Variants in HSPG2 observed in about 807,000 individuals in gnomAD.
The protein encoded by HSPG2 is basement membrane-specific heparan sulfate proteoglycan core protein.
HSPG2 carries 278 observed loss-of-function variants against 526.6 expected under a neutral mutation model. The observed-to-expected ratio is 0.53, with a 90% CI of 0.48 to 0.58. The LOEUF is 0.58. HSPG2 is among the 20% of genes least tolerant of loss of function. The pLI is 0.00. For missense variants in HSPG2, 5,354 were observed against 6,099.5 expected (o/e 0.88, Z 4.07); for synonymous variants, 2,465 against 2,555.4 (o/e 0.96, Z 1.07).
At chr1:21,843,001 A>C in intron 66 of HSPG2, 80 bp from the exon 67 acceptor site, 1 of 1,530,164 alleles carries the variant, frequency 6.5e-7, no homozygotes, top group African/African-American at 1.4e-5. Flanking sequence ...AGTGAAGACC[A>C]GCTCCAGTTG....
At position 21,839,678 on chromosome 1, in the gene HSPG2, C is replaced by T; in HGVS notation, c.9710-128G>A. 7.2e-7 allele frequency: 1 copy of T among 1,389,120 alleles called. No homozygotes were observed. The highest frequency in any genetic ancestry group is 2.5e-5 in the East Asian group (1 of 40,626). The allele number at this position is 1,389,120 out of a possible 1,614,324, so 86.0% of individuals were successfully genotyped here. A position where few individuals can be genotyped will look rare whatever the true frequency, so the allele number is the denominator to read the frequency against. Reference sequence around the variant, plus strand: ...TGGGGACCCCAGTTGGGTTCCTCGGCCATCACTGGGGGATGCTAGCAACAC... The same window carrying T: ...TGGGGACCCCAGTTGGGTTCCTCGGTCATCACTGGGGGATGCTAGCAACAC... On this transcript the variant is annotated intron_variant, in intron 72 of 96. Transcript: ENST00000374695. This position sits in a 1 kb window ranked among gnomAD's most constrained non-coding sequence, Gnocchi z 4.5.
chr1:21,835,983 C>CAAAA (rs71569851), intron 75 of HSPG2, among the ~76,000 whole-genome samples: 27 of 75,730 alleles, frequency 3.6e-4, no homozygotes, highest in African/African-American at 9.9e-4. Context: ...GATTCCATCT[C>CAAAA]AAAAAAAAAA....
rs757483723 is a variant in HSPG2 at position 21,852,120 on chromosome 1, T to C, written c.6838A>G (p.Lys2280Glu). 7.4e-6 allele frequency: 12 copies of C among 1,613,618 alleles called. No homozygotes were observed. In the Middle Eastern group the frequency reaches 1.5e-3, roughly 200 times the overall value. ...GQAHAQVTWY[K>E]RGGSLPARHQ... ...CGGGCAGGGAGGCTGCCCCCACGCT[T>C]GTACCATGTGACCTGGGCGTGGGCC... The change falls in exon 53 of 97, where the codon AAG becomes GAG. Residue 2280 changes from lysine (K) to glutamate (E), a missense_variant. By Grantham distance (56) the Lys-to-Glu change is moderately conservative. Coordinates refer to ENST00000374695, the MANE Select transcript of HSPG2 (RefSeq NM_005529.7).
intron 91 of HSPG2, among the ~76,000 whole-genome samples, chr1:21,826,965 T>C (rs1340632469): frequency 6.6e-6 from 1 of 152,020 alleles, no homozygotes; most frequent in East Asian, 1.9e-4. Context: ...TCCAGCACTT[T>C]AGGAAGCCAA....
intron 1 of HSPG2, among the ~76,000 whole-genome samples, chr1:21,913,376 C>T (rs1643769310): frequency 1.3e-5 from 2 of 152,164 alleles, no homozygotes; most frequent in African/African-American, 4.8e-5. Context: ...GGGAGGGATG[C>T]CGTGTCCTTG....
chr1:21,873,882 C>T (rs1420887434), intron 29 of HSPG2, 43 bp downstream of exon 29: 3 of 1,505,018 alleles, frequency 2.0e-6, no homozygotes, highest in Non-Finnish European at 2.7e-6. Context: ...TCCAGGGACA[C>T]CCCCTGTGCG....
At position 21,841,055 on chromosome 1, in the gene HSPG2, G is replaced by A. The variant is rs758155417; in HGVS notation, c.9513+46C>T. On this transcript the variant is annotated intron_variant, in intron 71 of 96. Coordinates refer to ENST00000374695, the MANE Select transcript of HSPG2 (RefSeq NM_005529.7). ...TCCTCCAAGCACCCGCTCAAGGCTG[G>A]GCCATGGACTGGGCCTCAGACCCAG... The A allele has an allele frequency of 2.6e-6, 4 of 1,549,042 alleles. No homozygotes were observed. In the South Asian group the frequency reaches 4.7e-5, roughly 18 times the overall value.
chr1:21,881,380 C>T lies in HSPG2; in HGVS notation c.1777G>A (p.Asp593Asn), dbSNP rs570492626. ...TGTTCAGGCAGAGCCCAGAAGGAGT[C>T]GTGGACGAGGAAGCGGCGGGACAGG... ...VDLSRRFLVHDSFWALPEQFL... is the reference protein window; with the variant it reads ...VDLSRRFLVHNSFWALPEQFL... The change falls in exon 14 of 97, where the codon GAC becomes AAC. Residue 593 changes from aspartate (D) to asparagine (N), a missense_variant. Coordinates refer to ENST00000374695, the MANE Select transcript of HSPG2 (RefSeq NM_005529.7). 20 of 1,614,170 alleles carry T rather than the reference C, an allele frequency of 1.2e-5. No individual in the cohort carries two copies. Among genetic ancestry groups the T allele is most frequent in the African/African-American group, 5.3e-5 (4 of 75,034 alleles).
Position 21,921,317 on chromosome 1 carries a change from ATTTTCT to A in HSPG2, c.63+15832_63+15837del, listed in dbSNP as rs1238784910. Among the ~76,000 whole-genome samples, 7 of 152,130 alleles carry A rather than the reference ATTTTCT, an allele frequency of 4.6e-5. No individual in the cohort carries two copies. The East Asian group carries it at 1.2e-3, about 25-fold the overall frequency. On this transcript the variant is annotated intron_variant, in intron 1 of 96. Coordinates refer to ENST00000374695, the MANE Select transcript of HSPG2 (RefSeq NM_005529.7). Reference sequence around the variant, plus strand: ...GAGCCTGGGAGAGGAGGAGTGCAGGATTTTCTGTGCTAGAAGCGGCTTCCTTGCCTT... The same window carrying A: ...GAGCCTGGGAGAGGAGGAGTGCAGGAGTGCTAGAAGCGGCTTCCTTGCCTT...
Position 21,832,480 on chromosome 1 carries a change from G to A in HSPG2, c.11207+15C>T, listed in dbSNP as rs2152693867. ...TGTCCAGTCCCCCTGTAGGTGGGGA[G>A]GCTGGGGGTCTCACCGGAACTCGGG... is the stretch of plus-strand genomic sequence containing the variant. On this transcript the variant is annotated intron_variant, in intron 81 of 96. Coordinates refer to ENST00000374695, the MANE Select transcript of HSPG2 (RefSeq NM_005529.7). The A allele has an allele frequency of 1.2e-6, 2 of 1,604,172 alleles. No homozygotes were observed. The highest frequency in any genetic ancestry group is 1.1e-5 in the South Asian group (1 of 90,850).
At chr1:21,846,068 C>G (rs761995507) in intron 64 of HSPG2, 40 bp downstream of exon 64, 2 of 1,609,360 alleles carry the variant, frequency 1.2e-6, no homozygotes, top group Non-Finnish European at 1.7e-6. Flanking sequence ...GTCCCTTCCT[C>G]CCTCCCCCGG....
intron 21 of HSPG2, among the ~76,000 whole-genome samples, chr1:21,876,994 G>A (rs576753854): frequency 7.0e-6 from 1 of 143,408 alleles, no homozygotes; most frequent in Non-Finnish European, 1.5e-5. Context: ...GGGAGGTGGA[G>A]GTTGCAGTGA....
intron 1 of HSPG2, among the ~76,000 whole-genome samples, chr1:21,915,548 CAAG>C (rs144825612): frequency 0.014 from 2,176 of 152,164 alleles, 59 homozygotes; most frequent in African/African-American, 0.049. Context: ...AGAGGAGCAG[CAAG>C]AAGAACCAAT....
chr1:21,855,741 A>T (rs753814013), intron 45 of HSPG2, 46 bp downstream of exon 45: 1 of 1,608,374 alleles, frequency 6.2e-7, no homozygotes, highest in Non-Finnish European at 8.5e-7. Context: ...CCCCTCCCAC[A>T]CCCAGGAGAG....
Position 21,930,547 on chromosome 1 carries a change from G to C in HSPG2, c.63+6608C>G, listed in dbSNP as rs111385098. On this transcript the variant is annotated intron_variant, in intron 1 of 96. Transcript: ENST00000374695. ...CCAGTGCTTTGGGAGGCCAAGATGG[G>C]TGGATCACTTGAGGTCAGGAGTTCA... Among the ~76,000 whole-genome samples the C allele has an allele frequency of 2.3e-3, 346 of 152,328 alleles. 2 individuals carry two copies. Among genetic ancestry groups the C allele is most frequent in the African/African-American group, 7.3e-3 (304 of 41,576 alleles).
rs374107229 is a variant in HSPG2 at position 21,890,066 on chromosome 1, C to T, written c.489G>A (p.Glu163=). 9.3e-6 allele frequency: 15 copies of T among 1,613,882 alleles called. No homozygotes were observed. Among genetic ancestry groups the T allele is most frequent in the Non-Finnish European group, 1.2e-5 (14 of 1,179,890 alleles). The change falls in exon 6 of 97, where the codon GAG becomes GAA. Residue 163 remains glutamate, a synonymous_variant. Coordinates refer to ENST00000374695, the MANE Select transcript of HSPG2 (RefSeq NM_005529.7). This position sits in a 1 kb window ranked among gnomAD's most constrained non-coding sequence, Gnocchi z 4.1. The part of the protein sequence containing the change: ...EGNADGAQIQ[E]MLLRVISSGS... ...CGCTGGAGATGACCCTGAGCAGCAT[C>T]TCCTGAATCTGAGCCCCATCCGCAT...
In HSPG2 at chr1:21,872,187, T is replaced by C; in HGVS notation, c.4220A>G (p.Lys1407Arg). The C allele has an allele frequency of 7.7e-6, 12 of 1,551,728 alleles. No individual in the cohort carries two copies. Among genetic ancestry groups the C allele is most frequent in the South Asian group, 1.2e-5 (1 of 84,064 alleles). ...WQLPETYQGD[K>R]VAAYGGKLRY... ...CCCTGGTGCTTGGCTGGGGCCCACC[T>C]TGTCTCCCTGGTATGTCTCCGGCAG... Residue 1407 changes from lysine to arginine, a missense_variant and splice_region_variant, in exon 33 of 97, where the codon AAG becomes AGG. Coordinates refer to ENST00000374695, the MANE Select transcript of HSPG2 (RefSeq NM_005529.7). This position sits in a 1 kb window ranked among gnomAD's most constrained non-coding sequence, Gnocchi z 5.5.
rs1177871055 is a variant in HSPG2 at position 21,831,633 on chromosome 1, G to A, written c.11352+19C>T. ...GGCGGGATGAGGGCTGGAAGTAGCA[G>A]TATGGGGTTGGGTCTCACCTGGGAG... On this transcript the variant is annotated intron_variant, in intron 82 of 96. Coordinates refer to ENST00000374695, the MANE Select transcript of HSPG2 (RefSeq NM_005529.7). The A allele has an allele frequency of 6.2e-7, 1 of 1,610,740 alleles. No homozygotes were observed. Among genetic ancestry groups the A allele is most frequent in the East Asian group, 2.2e-5 (1 of 44,820 alleles).
chr1:21,852,812 C>G lies in HSPG2; in HGVS notation c.6612G>C (p.Arg2204=), dbSNP rs1156297491. Residue 2204 remains arginine (R), a synonymous_variant, in exon 52 of 97, where the codon CGG becomes CGC. Transcript: ENST00000374695. Reference sequence around the variant, plus strand: ...AGTCGGCCGGGGTCACCTGGTGCAGCCGCAGCAGCGAGCCGTGGGTCTGTG... The same window carrying G: ...AGTCGGCCGGGGTCACCTGGTGCAGGCGCAGCAGCGAGCCGTGGGTCTGTG... The part of the protein sequence containing the change: ...ARHQTHGSLL[R]LHQVTPADSG... 6.2e-7 allele frequency: 1 copy of G among 1,612,704 alleles called. No individual in the cohort carries two copies. Among genetic ancestry groups the G allele is most frequent in the African/African-American group, 1.3e-5 (1 of 75,046 alleles).
Sources: allele counts gnomAD v4.1 joint callset (sites outside exome capture counted in the v4.1 genomes callset), GRCh38; gene constraint gnomAD v4.1.1; non-coding constraint Gnocchi (gnomAD v3.1); transcripts MANE v1.5; gene names NCBI Gene and HGNC (gene_info 2026-07-23, HGNC 2026-07-21).